ZNF780A: variants seen among roughly 807,000 people sequenced by gnomAD.
ZNF780A encodes the protein zinc finger protein 780A.
Under a neutral mutation model 56.7 loss-of-function variants are expected in ZNF780A, and 40 were observed. The observed-to-expected ratio is 0.71, with a 90% CI of 0.55 to 0.92. The LOEUF is 0.92. ZNF780A is among the 40% of genes least tolerant of loss of function. ZNF780A has a pLI of 0.00. For synonymous variants in ZNF780A, 231 were observed against 248.3 expected, an observed-to-expected ratio of 0.93 and a Z score of 0.66; for missense variants, 672 against 783.3, an observed-to-expected ratio of 0.86 and a Z score of 1.70.
chr19:40,076,168 T>A lies in ZNF780A; in HGVS notation c.274A>T (p.Asn92Tyr). Residue 92 changes from asparagine (N) to tyrosine (Y), a missense_variant, in exon 6 of 6, where the codon AAT becomes TAT. Physicochemically the swap from Asn to Tyr is moderately radical, Grantham distance 143 (BLOSUM62 -2). Coordinates refer to ENST00000683561, the MANE Select transcript of ZNF780A (RefSeq NM_001142578.2). ...KYGPEKVSPENDTSEVNLPKQ... is the reference protein window; with the variant it reads ...KYGPEKVSPEYDTSEVNLPKQ... ...GGTAAATTTACTTCAGAGGTATCAT[T>A]TTCTGGAGATACTTTCTCAGGTCCA... 1 of 1,579,424 alleles carries A rather than the reference T, an allele frequency of 6.3e-7. No individual in the cohort carries two copies.
intron 2 of ZNF780A, chr19:40,085,174 A>G (rs1974726040): frequency 1.0e-6 from 1 of 985,456 alleles, no homozygotes; most frequent in Non-Finnish European, 1.2e-6. Context: ...CCCACCTTTC[A>G]GAGCTGAGAA....
intron 5 of ZNF780A, among the ~76,000 whole-genome samples, chr19:40,079,011 G>A (rs746586168): frequency 6.6e-5 from 10 of 152,184 alleles, no homozygotes; most frequent in East Asian, 1.9e-4. Context: ...CACATTGAAC[G>A]TAAATGGATT....
Position 40,075,355 on chromosome 19 carries a change from A to T in ZNF780A, c.1087T>A (p.Cys363Ser), listed in dbSNP as rs1415567172. The T allele has an allele frequency of 6.2e-7, 1 of 1,614,140 alleles. No homozygotes were observed. The highest frequency in any genetic ancestry group is 8.5e-7 in the Non-Finnish European group (1 of 1,180,024). ...CTAAAGGCCTTCCCACATTCCCTGCATTCAAAGGGTTTCTCACCAGTATGA... is the reference window on the plus strand; with the variant it reads ...CTAAAGGCCTTCCCACATTCCCTGCTTTCAAAGGGTTTCTCACCAGTATGA... ...KIHTGEKPFE[C>S]RECGKAFSLL... is the part of the protein sequence containing the mutation. Residue 363 changes from cysteine (C) to serine (S), a missense_variant, in exon 6 of 6, where the codon TGC (cysteine) becomes AGC (serine). Cys to Ser is a moderately radical substitution (Grantham distance 112). Coordinates refer to ENST00000683561, the MANE Select transcript of ZNF780A (RefSeq NM_001142578.2).
chr19:40,084,138 TC>T (rs1974648136), intron 3 of ZNF780A, among the ~76,000 whole-genome samples: 1 of 151,898 alleles, frequency 6.6e-6, no homozygotes, highest in African/African-American at 2.4e-5. Flanking sequence ...ACTCCTGACC[TC>T]AAGTGATCCA....
Position 40,075,980 on chromosome 19 carries a change from A to C in ZNF780A, c.462T>G (p.His154Gln). Residue 154 changes from histidine (H) to glutamine (Q), a missense_variant, in exon 6 of 6, where the codon CAT becomes CAG. Coordinates refer to ENST00000683561, the MANE Select transcript of ZNF780A (RefSeq NM_001142578.2). ...SYEKLPTHTP[H>Q]ASLICNTHKP... Reference sequence around the variant, plus strand: ...TATGTGTATTGCAAATAAGAGAAGCATGAGGAGTATGAGTAGGCAGTTTTT... The same window carrying C: ...TATGTGTATTGCAAATAAGAGAAGCCTGAGGAGTATGAGTAGGCAGTTTTT... 1.2e-6 allele frequency: 2 copies of C among 1,613,168 alleles called. No individual in the cohort carries two copies. Among genetic ancestry groups the C allele is most frequent in the Non-Finnish European group, 1.7e-6 (2 of 1,179,682 alleles).
chr19:40,077,467 C>T (rs1187844102), intron 5 of ZNF780A, among the ~76,000 whole-genome samples: 1 of 152,152 alleles, frequency 6.6e-6, no homozygotes, highest in Non-Finnish European at 1.5e-5. Context: ...TGCAAGAACT[C>T]ACTTACTATT....
At chr19:40,087,659 T>C (rs1974888415) in intron 2 of ZNF780A, among the ~76,000 whole-genome samples, 1 of 150,924 alleles carries the variant, frequency 6.6e-6, no homozygotes, top group Non-Finnish European at 1.5e-5. Flanking sequence ...AAAACAAAAA[T>C]GCTAAAATTT....
chr19:40,077,549 C>T (rs1974212375), intron 5 of ZNF780A, among the ~76,000 whole-genome samples: 1 of 152,040 alleles, frequency 6.6e-6, no homozygotes. Context: ...AATTACCTCC[C>T]ACCAGGCCCC....
chr19:40,075,176 A>T lies in ZNF780A; in HGVS notation c.1266T>A (p.Cys422Ter), dbSNP rs1326357687. 1 of 1,613,820 alleles carries T rather than the reference A, an allele frequency of 6.2e-7. No homozygotes were observed. Among genetic ancestry groups the T allele is most frequent in the South Asian group, 1.1e-5 (1 of 91,074 alleles). Residue 422 changes from cysteine to a stop codon, truncating the protein, a stop_gained, in exon 6 of 6, where the codon TGT (cysteine) becomes TGA (stop). Transcript: ENST00000683561. LOFTEE classifies it high-confidence loss of function. ...GTGCACCACGATTAAAGCCTTTCCC[A>T]CACTCCTTACATTCATATGGTTTTA... is the stretch of plus-strand genomic sequence containing the variant. Reference protein sequence around the residue: ...AGIKPYECKECGKGFNRGAHL... With the variant: ...AGIKPYECKE
chr19:40,073,981 T>C lies in ZNF780A; in HGVS notation c.*535A>G. 9.4e-7 allele frequency: 1 copy of C among 1,064,762 alleles called. No individual in the cohort carries two copies. The highest frequency in any genetic ancestry group is 1.1e-6 in the Non-Finnish European group (1 of 873,656). The allele number at this position is 1,064,762 out of a possible 1,614,324, so 66.0% of individuals were successfully genotyped here. Reference sequence around the variant, plus strand: ...TTAACATGTTGAACAATGTTTGAGCTACAACTAAAGGTCTTCCCACATTCT... The same window carrying C: ...TTAACATGTTGAACAATGTTTGAGCCACAACTAAAGGTCTTCCCACATTCT... On this transcript the variant is annotated 3_prime_UTR_variant, in exon 6 of 6. Coordinates refer to ENST00000683561, the MANE Select transcript of ZNF780A (RefSeq NM_001142578.2).
At chr19:40,082,962 T>C (rs1974564763) in intron 4 of ZNF780A, 149 bp downstream of exon 4, 9 of 1,347,108 alleles carry the variant, frequency 6.7e-6, no homozygotes, top group Non-Finnish European at 9.2e-6. Flanking sequence ...GAGGTGCCTG[T>C]TTTCAACCCA....
downstream of ZNF780A, chr19:40,069,910 G>A (rs1466675070): frequency 1.3e-5 from 2 of 152,212 alleles, no homozygotes; most frequent in Non-Finnish European, 1.5e-5. Context: ...GGAAGGGGCA[G>A]TGTACTAGAA....
At chr19:40,073,026 G>A (rs1973890770), downstream of ZNF780A, 1 of 1,506,366 alleles carries the variant, frequency 6.6e-7, no homozygotes, top group Non-Finnish European at 8.9e-7. Context: ...TTCCTTAACG[G>A]TAATTATGGT....
rs763004549 is a variant in ZNF780A at position 40,075,352 on chromosome 19, T to C, written c.1090A>G (p.Arg364Gly). Residue 364 changes from arginine (R) to glycine (G), a missense_variant, in exon 6 of 6, where the codon AGG becomes GGG. Arg to Gly is a moderately radical substitution (Grantham distance 125). Transcript: ENST00000683561. The part of the protein sequence containing the change: ...IHTGEKPFEC[R>G]ECGKAFSLLN... ...AGACTAAAGGCCTTCCCACATTCCC[T>C]GCATTCAAAGGGTTTCTCACCAGTA... The C allele has an allele frequency of 6.2e-7, 1 of 1,614,182 alleles. No homozygotes were observed. Among genetic ancestry groups the C allele is most frequent in the Non-Finnish European group, 8.5e-7 (1 of 1,180,042 alleles).
downstream of ZNF780A, chr19:40,072,707 T>C: frequency 8.5e-7 from 1 of 1,177,328 alleles, no homozygotes; most frequent in Non-Finnish European, 1.1e-6. Flanking sequence ...TCTAGGTCAG[T>C]GGCTCTCTAA....
At chr19:40,079,395 T>C (rs866893492) in intron 5 of ZNF780A, among the ~76,000 whole-genome samples, 13 of 150,764 alleles carry the variant, frequency 8.6e-5, no homozygotes, top group East Asian at 6.0e-4. Context: ...GCAATAATCA[T>C]TGGGGATTTC....
chr19:40,070,826 T>C (rs1295360082), downstream of ZNF780A: 1 of 152,196 alleles, frequency 6.6e-6, no homozygotes, highest in African/African-American at 2.4e-5. Context: ...ATCTCTTTTT[T>C]ATGACAATTC....
rs966981776 is a variant in ZNF780A at position 40,075,272 on chromosome 19, T to A, written c.1170A>T (p.Glu390Asp). ...KNIHTGEKPF[E>D]CKECGKSFNR... ...TAAAGGACTTCCCACATTCCTTACA[T>A]TCAAACGGTTTTTCACCTGTGTGAA... Residue 390 changes from glutamate (E) to aspartate (D), a missense_variant, in exon 6 of 6, where the codon GAA becomes GAT. Transcript: ENST00000683561. 6.2e-7 allele frequency: 1 copy of A among 1,613,830 alleles called. No homozygotes were observed. The highest frequency in any genetic ancestry group is 2.2e-5 in the East Asian group (1 of 44,818).
chr19:40,072,026 T>C (rs1054218702), downstream of ZNF780A: 2 of 153,794 alleles, frequency 1.3e-5, no homozygotes, highest in African/African-American at 4.8e-5. Context: ...CTGCAGGCCA[T>C]ACATTTCAAT....
Sources: gnomAD v4.1 joint callset for allele counts (sites outside exome capture counted in the v4.1 genomes callset) on GRCh38, gnomAD v4.1.1 for gene constraint, MANE v1.5 for transcripts, NCBI Gene and HGNC (gene_info 2026-07-23, HGNC 2026-07-21) for gene names.